The following SLC35F1 variants were observed in gnomAD, a reference collection of about 807,000 sequenced individuals.
The protein encoded by SLC35F1 is solute carrier family 35 member F1, also known as chromosome 6 open reading frame 169.
In SLC35F1, 14 loss-of-function variants were observed where a neutral mutation model predicts 48.7. The ratio of observed to expected loss-of-function variants is 0.29; its 90% CI spans 0.19 to 0.45. The LOEUF is 0.45. Among genes scored for constraint, SLC35F1 ranks in the 20% least tolerant of loss-of-function variants. The pLI is 1.00. For synonymous variants in SLC35F1, 190 were observed against 202.2 expected (o/e 0.94, Z 0.51); for missense variants, 404 against 500.0 (o/e 0.81, Z 1.83).
intron 4 of SLC35F1, among the ~76,000 whole-genome samples, chr6:118,270,810 G>T (rs1199612533): frequency 2.0e-5 from 3 of 152,154 alleles, no homozygotes; most frequent in Non-Finnish European, 4.4e-5. Context: ...ACTTAGTAAA[G>T]TTGAAAAGAT....
chr6:118,162,040 A>G (rs1405370916), intron 2 of SLC35F1, among the ~76,000 whole-genome samples: 3 of 152,160 alleles, frequency 2.0e-5, no homozygotes, highest in Non-Finnish European at 1.5e-5. Flanking sequence ...TGAAAACATA[A>G]TGTCCCTGCA....
At chr6:118,088,809 A>T (rs542644554) in intron 1 of SLC35F1, among the ~76,000 whole-genome samples, 2 of 152,290 alleles carry the variant, frequency 1.3e-5, no homozygotes, top group South Asian at 4.1e-4. Context: ...AGCCCAGAGG[A>T]AGCGGAGAAA....
chr6:118,205,071 C>T (rs768191749), intron 2 of SLC35F1, among the ~76,000 whole-genome samples: 11 of 152,180 alleles, frequency 7.2e-5, no homozygotes, highest in Non-Finnish European at 1.0e-4. Flanking sequence ...TCCAGGAGGC[C>T]GCAGAAGATG....
At chr6:118,221,622 ATTC>A (rs1775152624) in intron 2 of SLC35F1, among the ~76,000 whole-genome samples, 1 of 152,220 alleles carries the variant, frequency 6.6e-6, no homozygotes, top group Non-Finnish European at 1.5e-5. Flanking sequence ...TTACAATGGA[ATTC>A]TTCTTTTTGT....
Position 118,029,695 on chromosome 6 carries a change from C to T in SLC35F1, c.173+121796C>T, listed in dbSNP as rs191178362. Among the ~76,000 whole-genome samples, 509 of 152,216 alleles carry T rather than the reference C, an allele frequency of 3.3e-3. 15 individuals carry two copies. The East Asian group carries it at 0.07, about 21-fold the overall frequency. ...TTAGCAGTGTTCCCCAACTTGTGTTCTCTGACAGTTATTAGTAATGCTACA... is the reference window on the plus strand; with the variant it reads ...TTAGCAGTGTTCCCCAACTTGTGTTTTCTGACAGTTATTAGTAATGCTACA... On this transcript the variant is annotated intron_variant, in intron 1 of 7. Coordinates refer to ENST00000360388, the MANE Select transcript of SLC35F1 (RefSeq NM_001029858.4).
chr6:118,112,376 A>C (rs1773420041), intron 1 of SLC35F1, among the ~76,000 whole-genome samples: 1 of 152,120 alleles, frequency 6.6e-6, no homozygotes, highest in African/African-American at 2.4e-5. Context: ...AGCAGAGTAC[A>C]TCTCCCCATG....
intron 1 of SLC35F1, among the ~76,000 whole-genome samples, chr6:118,050,583 A>G (rs1173208635): frequency 1.3e-5 from 2 of 151,984 alleles, no homozygotes; most frequent in Non-Finnish European, 2.9e-5. Context: ...AAAAGGAGAG[A>G]AAGAGAGTTT....
At chr6:118,294,073 C>G (rs1776155263) in intron 7 of SLC35F1, among the ~76,000 whole-genome samples, 1 of 152,196 alleles carries the variant, frequency 6.6e-6, no homozygotes, top group African/African-American at 2.4e-5. Context: ...TAAAAGGTGA[C>G]CAGCAGTGAT....
intron 3 of SLC35F1, among the ~76,000 whole-genome samples, chr6:118,246,519 G>C (rs1775509375): frequency 6.6e-6 from 1 of 152,176 alleles, no homozygotes; most frequent in Non-Finnish European, 1.5e-5. Context: ...TGACAGACAG[G>C]ACTCCAGAGG....
Position 118,088,778 on chromosome 6 carries a change from A to C in SLC35F1, c.174-65667A>C, listed in dbSNP as rs553802469. Among the ~76,000 whole-genome samples the C allele has an allele frequency of 2.6e-5, 4 of 152,324 alleles. No homozygotes were observed. The East Asian group carries it at 7.7e-4, about 29-fold the overall frequency. ...CTGATCAAGTCTTATCATGCCATGC[A>C]TCATTGCATAAAGATGTGTTAGCCC... On this transcript the variant is annotated intron_variant, in intron 1 of 7. Transcript: ENST00000360388.
At chr6:118,065,342 A>G (rs1772597506) in intron 1 of SLC35F1, among the ~76,000 whole-genome samples, 1 of 152,182 alleles carries the variant, frequency 6.6e-6, no homozygotes, top group African/African-American at 2.4e-5. Context: ...GATTTTATAG[A>G]CTTTTTTCCT....
intron 1 of SLC35F1, among the ~76,000 whole-genome samples, chr6:117,921,967 C>CA (rs1373508063): frequency 6.6e-6 from 1 of 152,006 alleles, no homozygotes; most frequent in South Asian, 2.1e-4. Flanking sequence ...AAGACAACAA[C>CA]AAAAAAAGAT....
chr6:118,285,399 T>G, intron 7 of SLC35F1, 61 bp downstream of exon 7: 1 of 1,583,372 alleles, frequency 6.3e-7, no homozygotes, highest in Non-Finnish European at 8.7e-7. Context: ...TGAACATGGG[T>G]AGGAATGCCT....
chr6:117,949,627 A>T (rs938712522), intron 1 of SLC35F1, among the ~76,000 whole-genome samples: 2 of 152,186 alleles, frequency 1.3e-5, no homozygotes, highest in Non-Finnish European at 2.9e-5. Context: ...CTGACTGTTT[A>T]CTATGATCAT....
intron 1 of SLC35F1, among the ~76,000 whole-genome samples, chr6:118,134,273 A>T (rs1462821038): frequency 6.6e-6 from 1 of 151,370 alleles, no homozygotes; most frequent in Non-Finnish European, 1.5e-5. Context: ...CTTGCTTCAG[A>T]GAGGAAAGTA....
At chr6:117,931,139 G>C (rs1345502984) in intron 1 of SLC35F1, among the ~76,000 whole-genome samples, 2 of 152,102 alleles carry the variant, frequency 1.3e-5, no homozygotes, top group Non-Finnish European at 2.9e-5. Context: ...TTGGTGCTAG[G>C]AGGTTACCAC....
chr6:117,924,489 TATAC>T (rs1469672335), intron 1 of SLC35F1, among the ~76,000 whole-genome samples: 1 of 22,036 alleles, frequency 4.5e-5, no homozygotes, highest in Non-Finnish European at 1.5e-4. Flanking sequence ...TATATACGTA[TATAC>T]ATATGTATAT....
intron 6 of SLC35F1, among the ~76,000 whole-genome samples, chr6:118,281,665 T>C (rs1562349641): frequency 6.6e-6 from 1 of 152,214 alleles, no homozygotes; most frequent in Non-Finnish European, 1.5e-5. Context: ...TAATGTGGCC[T>C]CCCTCTTGTA....
At chr6:118,273,001 T>G (rs1775876551) in intron 4 of SLC35F1, among the ~76,000 whole-genome samples, 1 of 151,674 alleles carries the variant, frequency 6.6e-6, no homozygotes, top group Non-Finnish European at 1.5e-5. Flanking sequence ...GTATGTTATA[T>G]GTATAGGTAC....
Sources: allele counts gnomAD v4.1 joint callset (sites outside exome capture counted in the v4.1 genomes callset), GRCh38; gene constraint gnomAD v4.1.1; transcripts MANE v1.5; gene names NCBI Gene and HGNC (gene_info 2026-07-23, HGNC 2026-07-21).